TPTE2: variants seen among roughly 807,000 people sequenced by gnomAD.
TPTE2 encodes phosphatidylinositol 3,4,5-trisphosphate 3-phosphatase TPTE2.
A neutral mutation model predicts 78.6 loss-of-function variants in TPTE2; 53 were observed. The ratio of observed to expected loss-of-function variants is 0.67; its 90% CI spans 0.54 to 0.85. The LOEUF is 0.85. TPTE2 is among the 40% of genes least tolerant of loss of function. The pLI is 0.00. For synonymous variants in TPTE2, 175 were observed against 206.2 expected (o/e 0.85, Z 1.30); for missense variants, 461 against 623.0 (o/e 0.74, Z 2.77).
intron 16 of TPTE2, among the ~76,000 whole-genome samples, chr13:19,431,394 T>C (rs1416160577): frequency 6.6e-6 from 1 of 152,168 alleles, no homozygotes; most frequent in South Asian, 2.1e-4. Flanking sequence ...TCAATTCAAA[T>C]GACCCACTTC....
chr13:19,455,377 G>A (rs1251583996), intron 10 of TPTE2, among the ~76,000 whole-genome samples: 1 of 152,100 alleles, frequency 6.6e-6, no homozygotes, highest in Non-Finnish European at 1.5e-5. Flanking sequence ...ATTTCACCTC[G>A]TAGTGCCCCT....
chr13:19,557,987 G>A, the TPTE2 span, among the ~76,000 whole-genome samples: 3 of 152,142 alleles, frequency 2.0e-5, no homozygotes, highest in African/African-American at 7.2e-5. Flanking sequence ...GTCTAATACA[G>A]ACTGTAAAAT....
In TPTE2 at chr13:19,535,263, AG is replaced by A. The variant is rs1326129139; in HGVS notation, c.-44+1332del. 3.3e-5 allele frequency among the ~76,000 whole-genome samples: 5 copies of A among 151,958 alleles called. No individual in the cohort carries two copies. The highest frequency in any genetic ancestry group is 1.2e-4 in the African/African-American group (5 of 41,406). On this transcript the variant is annotated intron_variant, in intron 1 of 17. Coordinates refer to the TPTE2 transcript ENST00000390680. This position sits in a 1 kb window ranked among gnomAD's most constrained non-coding sequence, Gnocchi z 5.1. Reference sequence around the variant, plus strand: ...TATATTCTTTAGATCCAAGAATCTAAGGATAACACCTTCTTTAGAACCAAAT... The same window carrying A: ...TATATTCTTTAGATCCAAGAATCTAAGATAACACCTTCTTTAGAACCAAAT...
At chr13:19,472,769 G>C (rs1215094472) in intron 6 of TPTE2, among the ~76,000 whole-genome samples, 1 of 152,134 alleles carries the variant, frequency 6.6e-6, no homozygotes, top group Non-Finnish European at 1.5e-5. Context: ...ATTTATTGTA[G>C]TTTTCACTGC....
At chr13:19,452,812 C>T (rs1878261434) in intron 10 of TPTE2, among the ~76,000 whole-genome samples, 1 of 152,054 alleles carries the variant, frequency 6.6e-6, no homozygotes, top group South Asian at 2.1e-4. Context: ...GCAATCTATA[C>T]AGAAAAAGCC....
chr13:19,497,571 A>G (rs1286412638), intron 1 of TPTE2, among the ~76,000 whole-genome samples: 1 of 77,044 alleles, frequency 1.3e-5, no homozygotes, highest in Non-Finnish European at 3.7e-5. Context: ...GTATTCCAAC[A>G]GACCTGCAGC....
At chr13:19,473,768 G>T (rs551039921) in intron 6 of TPTE2, 146 bp downstream of exon 9, 7 of 637,470 alleles carry the variant, frequency 1.1e-5, no homozygotes, top group Non-Finnish European at 1.4e-5. Flanking sequence ...GCTAATTTTT[G>T]TATTTTTAAT....
At chr13:19,432,959 A>G (rs952796058) in intron 15 of TPTE2, among the ~76,000 whole-genome samples, 3 of 152,190 alleles carry the variant, frequency 2.0e-5, no homozygotes, top group Non-Finnish European at 4.4e-5. Context: ...CTTCCTGGAC[A>G]TGAGAGAATG....
intron 1 of TPTE2, among the ~76,000 whole-genome samples, chr13:19,526,087 G>A (rs924901668): frequency 2.0e-5 from 3 of 152,136 alleles, no homozygotes; most frequent in African/African-American, 7.2e-5. Context: ...CACTACTGGT[G>A]GATATGTAAA....
intron 9 of TPTE2, 60 bp from the exon 13 acceptor site, chr13:19,464,580 A>G: frequency 6.4e-7 from 1 of 1,558,276 alleles, no homozygotes; most frequent in Non-Finnish European, 8.7e-7. Context: ...AACACAAAAA[A>G]AATTAATTTA....
At chr13:19,514,455 A>G (rs1375637144) in intron 1 of TPTE2, among the ~76,000 whole-genome samples, 1 of 152,214 alleles carries the variant, frequency 6.6e-6, no homozygotes, top group Non-Finnish European at 1.5e-5. Context: ...AGCCCATACA[A>G]AAAATAAAGT....
rs1880683236 is a variant in TPTE2 at position 19,486,678 on chromosome 13, A to G, written c.120-4131T>C. Among the ~76,000 whole-genome samples, 1 of 152,142 alleles carries G rather than the reference A, an allele frequency of 6.6e-6. No individual in the cohort carries two copies. The highest frequency in any genetic ancestry group is 1.5e-5 in the Non-Finnish European group (1 of 68,026). ...GCAGCCAGTCTGCTGGGGGAAACTC[A>G]TGGGCCAAATATACAGCTGCATAGC... On this transcript the variant is annotated intron_variant, in intron 3 of 19. Transcript: ENST00000400230. The surrounding 1 kb of genome is among the most constrained non-coding windows in gnomAD (Gnocchi z 4.3).
chr13:19,424,589 T>C (rs1423639741), intron 19 of TPTE2, among the ~76,000 whole-genome samples: 2 of 152,144 alleles, frequency 1.3e-5, no homozygotes, highest in South Asian at 2.1e-4. Context: ...TGGTTCGTCA[T>C]TGGTAAATCA....
At chr13:19,530,396 C>A (rs1315169716) in intron 1 of TPTE2, among the ~76,000 whole-genome samples, 1 of 152,192 alleles carries the variant, frequency 6.6e-6, no homozygotes, top group Non-Finnish European at 1.5e-5. Context: ...CTGACCTCAG[C>A]CACCAAACAC....
chr13:19,453,986 C>CTCT (rs1328515378), intron 10 of TPTE2, among the ~76,000 whole-genome samples: 1 of 152,172 alleles, frequency 6.6e-6, no homozygotes, highest in Non-Finnish European at 1.5e-5. Flanking sequence ...ATCTACCATA[C>CTCT]TCTTCTCTCT....
At position 19,457,506 on chromosome 13, in the gene TPTE2, T is replaced by C. The variant is rs375560630; in HGVS notation, c.742-6281A>G. On this transcript the variant is annotated intron_variant, in intron 10 of 19. Coordinates refer to ENST00000400230, the Ensembl canonical transcript of TPTE2. ...CCCAGCATCCATTAGCTATTCTTCCTGATGCTCTCCTTCCCCCATCCCCTC... is the reference window on the plus strand; with the variant it reads ...CCCAGCATCCATTAGCTATTCTTCCCGATGCTCTCCTTCCCCCATCCCCTC... 3.3e-3 allele frequency among the ~76,000 whole-genome samples: 496 copies of C among 152,280 alleles called. 12 individuals carry two copies. In the South Asian group the frequency reaches 0.045, roughly 14 times the overall value.
At chr13:19,490,695 G>T (rs1197975071) in intron 3 of TPTE2, among the ~76,000 whole-genome samples, 2 of 152,170 alleles carry the variant, frequency 1.3e-5, no homozygotes, top group African/African-American at 4.8e-5. Flanking sequence ...AGTAACTACA[G>T]ACCCAAGGCA....
At chr13:19,427,589 A>G (rs1353597037) in intron 17 of TPTE2, among the ~76,000 whole-genome samples, 1 of 152,198 alleles carries the variant, frequency 6.6e-6, no homozygotes, top group African/African-American at 2.4e-5. Flanking sequence ...TTTATTTTCT[A>G]AATTTAAAAA....
chr13:19,523,207 T>A (rs1870278978), intron 1 of TPTE2, among the ~76,000 whole-genome samples: 1 of 152,074 alleles, frequency 6.6e-6, no homozygotes, highest in Non-Finnish European at 1.5e-5. Flanking sequence ...TCACCAAGAT[T>A]GTAGGATGTT....
Sources: gnomAD v4.1 joint callset for allele counts (sites outside exome capture counted in the v4.1 genomes callset) on GRCh38, gnomAD v4.1.1 for gene constraint, Gnocchi (gnomAD v3.1) non-coding constraint, MANE v1.5 for transcripts, NCBI Gene and HGNC (gene_info 2026-07-23, HGNC 2026-07-21) for gene names.